SLC17A6: variants seen among roughly 807,000 people sequenced by gnomAD.
SLC17A6 encodes the protein vesicular glutamate transporter 2.
A neutral mutation model predicts 67.1 loss-of-function variants in SLC17A6; 35 were observed. That is an observed-to-expected ratio of 0.52 (90% CI 0.40 to 0.69). The LOEUF (loss-of-function observed/expected upper bound fraction) is 0.69, where lower values mean the gene tolerates loss of function less well. Among genes scored for constraint, SLC17A6 ranks in the 30% least tolerant of loss-of-function variants. The pLI is 0.00. For missense variants in SLC17A6, 588 were observed against 723.9 expected, an observed-to-expected ratio of 0.81 and a Z score of 2.15; for synonymous variants, 285 against 252.3, an observed-to-expected ratio of 1.13 and a Z score of -1.23.
At chr11:22,345,985 T>G (rs1855871430) in intron 3 of SLC17A6, among the ~76,000 whole-genome samples, 1 of 152,208 alleles carries the variant, frequency 6.6e-6, no homozygotes, top group Non-Finnish European at 1.5e-5. Context: ...GAAAGACGTA[T>G]ATTTCCTATT....
intron 6 of SLC17A6, among the ~76,000 whole-genome samples, chr11:22,363,497 G>T (rs759599295): frequency 6.6e-6 from 1 of 152,256 alleles, no homozygotes; most frequent in South Asian, 2.1e-4. Flanking sequence ...AAGGAAAGCT[G>T]GATCCCAACT....
intron 3 of SLC17A6, among the ~76,000 whole-genome samples, chr11:22,349,190 A>G (rs1855910319): frequency 6.6e-6 from 1 of 152,182 alleles, no homozygotes; most frequent in Non-Finnish European, 1.5e-5. Context: ...TGAATTCCTT[A>G]TGTGTGAGAA....
chr11:22,344,510 A>T (rs546544980), intron 3 of SLC17A6, among the ~76,000 whole-genome samples: 1 of 152,280 alleles, frequency 6.6e-6, no homozygotes, highest in South Asian at 2.1e-4. Flanking sequence ...AGGCTTAAGG[A>T]TCCCTAGAGT....
chr11:22,345,880 T>C (rs1409344193), intron 3 of SLC17A6, among the ~76,000 whole-genome samples: 2 of 152,190 alleles, frequency 1.3e-5, no homozygotes, highest in Non-Finnish European at 2.9e-5. Context: ...ATTATTAACA[T>C]GGTGAATGTC....
intron 5 of SLC17A6, 90 bp downstream of exon 5, chr11:22,361,074 A>G (rs1856047113): frequency 9.7e-7 from 1 of 1,030,582 alleles, no homozygotes; most frequent in African/African-American, 1.6e-5. Context: ...TCACCTGTAA[A>G]ACCATCTGGG....
At chr11:22,350,631 AT>A (rs763153495) in intron 3 of SLC17A6, among the ~76,000 whole-genome samples, 2 of 152,196 alleles carry the variant, frequency 1.3e-5, no homozygotes, top group Non-Finnish European at 2.9e-5. Flanking sequence ...TAAAATTGTT[AT>A]TTTACACATT....
At chr11:22,376,752 T>C (rs1856237015) in intron 11 of SLC17A6, 80 bp downstream of exon 11, 1 of 1,474,298 alleles carries the variant, frequency 6.8e-7, no homozygotes, top group African/African-American at 1.4e-5. Context: ...AGTTAAAATA[T>C]TATCCTTAGC....
At chr11:22,367,865 T>G (rs573725338) in intron 7 of SLC17A6, among the ~76,000 whole-genome samples, 1 of 152,214 alleles carries the variant, frequency 6.6e-6, no homozygotes, top group Non-Finnish European at 1.5e-5. Context: ...ATGTTTCATA[T>G]GTTCCTGTAG....
intron 4 of SLC17A6, among the ~76,000 whole-genome samples, chr11:22,360,513 A>T (rs116868148): frequency 0.012 from 1,756 of 147,356 alleles, 13 homozygotes; most frequent in Non-Finnish European, 0.02. Context: ...GAAACCAAAA[A>T]ACCCGCTCTC....
chr11:22,345,201 C>T (rs763775361), intron 3 of SLC17A6, among the ~76,000 whole-genome samples: 15 of 148,868 alleles, frequency 1.0e-4, no homozygotes, highest in African/African-American at 1.8e-4. Context: ...CGGGTTTTTC[C>T]GATTATTTAA....
At chr11:22,362,573 G>A (rs181328325) in intron 5 of SLC17A6, among the ~76,000 whole-genome samples, 166 bp from the exon 6 acceptor site, 2 of 152,208 alleles carry the variant, frequency 1.3e-5, no homozygotes, top group South Asian at 2.1e-4. Context: ...TCCTGTGTAC[G>A]TATGTAGACA....
intron 8 of SLC17A6, among the ~76,000 whole-genome samples, chr11:22,371,450 A>C (rs576204766): frequency 6.6e-6 from 1 of 152,006 alleles, no homozygotes; most frequent in East Asian, 1.9e-4. Context: ...CTTTAGACAG[A>C]GCTCTTCTCT....
At chr11:22,339,599 C>T (rs1302098716) in intron 1 of SLC17A6, among the ~76,000 whole-genome samples, 1 of 151,936 alleles carries the variant, frequency 6.6e-6, no homozygotes, top group Admixed American at 6.6e-5. Flanking sequence ...AAAATCAAGA[C>T]GACAGGGCAG....
intron 3 of SLC17A6, among the ~76,000 whole-genome samples, chr11:22,345,888 G>A (rs539990004): frequency 6.6e-5 from 10 of 152,236 alleles, no homozygotes; most frequent in Non-Finnish European, 8.8e-5. Flanking sequence ...CATGGTGAAT[G>A]TCCAACTAGT....
intron 3 of SLC17A6, among the ~76,000 whole-genome samples, chr11:22,348,185 CA>C (rs1855899877): frequency 6.6e-6 from 1 of 152,082 alleles, no homozygotes; most frequent in South Asian, 2.1e-4. Flanking sequence ...GGTACCTTTA[CA>C]ATGAAATTTA....
chr11:22,354,742 A>G (rs1198693278), intron 3 of SLC17A6, among the ~76,000 whole-genome samples: 2 of 152,236 alleles, frequency 1.3e-5, no homozygotes, highest in Admixed American at 6.5e-5. Flanking sequence ...TCTACTTACT[A>G]TCTATATGAT....
At chr11:22,374,090 T>G (rs1328279888) in intron 8 of SLC17A6, among the ~76,000 whole-genome samples, 1 of 152,190 alleles carries the variant, frequency 6.6e-6, no homozygotes, top group Non-Finnish European at 1.5e-5. Context: ...AACACAGTGC[T>G]TTGTGTGTAA....
chr11:22,344,899 A>G (rs1855858616), intron 3 of SLC17A6, among the ~76,000 whole-genome samples: 1 of 152,158 alleles, frequency 6.6e-6, no homozygotes, highest in African/African-American at 2.4e-5. Flanking sequence ...TTTTTCCCTA[A>G]AAAGTATTTC....
In SLC17A6 at chr11:22,365,637, G is replaced by A; in HGVS notation, c.839G>A (p.Arg280Lys). 1 of 1,613,856 alleles carries A rather than the reference G, an allele frequency of 6.2e-7. No homozygotes were observed. Among genetic ancestry groups the A allele is most frequent in the Non-Finnish European group, 8.5e-7 (1 of 1,179,864 alleles). ...KHPTITDEER[R>K]YIEESIGESA... Reference sequence around the variant, plus strand: ...CCTACTATTACAGATGAAGAACGTAGGTACATAGAAGAAAGCATTGGAGAG... The same window carrying A: ...CCTACTATTACAGATGAAGAACGTAAGTACATAGAAGAAAGCATTGGAGAG... The change falls in exon 7 of 12, where the codon AGG (arginine) becomes AAG (lysine). Residue 280 changes from arginine (R) to lysine (K), a missense_variant. Physicochemically the swap from Arg to Lys is conservative, Grantham distance 26. Around this residue, in one of 4 missense-constraint regions of SLC17A6, gnomAD observed 414 missense variants for 563.4 expected, o/e 0.73. Transcript: ENST00000263160.
Sources: allele counts gnomAD v4.1 joint callset (sites outside exome capture counted in the v4.1 genomes callset), GRCh38; gene constraint gnomAD v4.1.1; regional missense constraint gnomAD v4.1.1; transcripts MANE v1.5; gene names NCBI Gene and HGNC (gene_info 2026-07-23, HGNC 2026-07-21).